GOLPH3: variants seen among roughly 807,000 people sequenced by gnomAD.
GOLPH3 encodes the protein golgi phosphoprotein 3, also known as coat protein GPP34.
A neutral mutation model predicts 28.5 loss-of-function variants in GOLPH3; 14 were observed. That is an observed-to-expected ratio of 0.49 (90% CI 0.32 to 0.77). The LOEUF is 0.77. Ranked by LOEUF, GOLPH3 falls within the 30% of genes least tolerant of loss-of-function variation. GOLPH3 has a pLI of 0.03. For missense variants in GOLPH3, 350 were observed against 393.7 expected (o/e 0.89, Z 0.94); for synonymous variants, 158 against 159.2 (o/e 0.99, Z 0.06).
intron 1 of GOLPH3, among the ~76,000 whole-genome samples, chr5:32,173,310 G>A (rs917963765): frequency 3.3e-5 from 5 of 151,356 alleles, no homozygotes; most frequent in Admixed American, 1.3e-4. Context: ...TACGTTTTTC[G>A]TAATTCCCAA....
At chr5:32,158,864 T>C (rs1393840437) in intron 1 of GOLPH3, among the ~76,000 whole-genome samples, 1 of 152,238 alleles carries the variant, frequency 6.6e-6, no homozygotes, top group Non-Finnish European at 1.5e-5. Context: ...CCAAATCCTT[T>C]TTTAAAGTGC....
At chr5:32,147,877 C>A (rs1290231346) in intron 1 of GOLPH3, among the ~76,000 whole-genome samples, 1 of 152,216 alleles carries the variant, frequency 6.6e-6, no homozygotes, top group African/African-American at 2.4e-5. Flanking sequence ...TTCAAATCAA[C>A]TCCAGCTCTA....
At chr5:32,153,840 A>C (rs750110694) in intron 1 of GOLPH3, among the ~76,000 whole-genome samples, 5 of 152,226 alleles carry the variant, frequency 3.3e-5, no homozygotes, top group African/African-American at 4.8e-5. Context: ...GTAACAACTC[A>C]GTAACACTGA....
In GOLPH3 at chr5:32,157,181, C is replaced by T. The variant is rs114512075; in HGVS notation, c.226-13301G>A. Reference sequence around the variant, plus strand: ...CCCTGGGAACTTGGACATCAGCATCCTTAAACCCACAACCTTTTGATGAGA... The same window carrying T: ...CCCTGGGAACTTGGACATCAGCATCTTTAAACCCACAACCTTTTGATGAGA... On this transcript the variant is annotated intron_variant, in intron 1 of 3. Coordinates refer to ENST00000265070, the MANE Select transcript of GOLPH3 (RefSeq NM_022130.4). 1.3e-3 allele frequency among the ~76,000 whole-genome samples: 194 copies of T among 152,316 alleles called. 1 individual carries two copies. The highest frequency in any genetic ancestry group is 4.6e-3 in the African/African-American group (192 of 41,574).
Position 32,124,942 on chromosome 5 carries a change from T to A in GOLPH3, c.*1270A>T, listed in dbSNP as rs1361356124. 6.6e-6 allele frequency: 1 copy of A among 152,618 alleles called. No individual in the cohort carries two copies. Among genetic ancestry groups the A allele is most frequent in the Non-Finnish European group, 1.5e-5 (1 of 68,042 alleles). The allele number at this position is 152,618 out of a possible 1,614,324, so 9.5% of individuals were successfully genotyped here. A position where few individuals can be genotyped will look rare whatever the true frequency, so the allele number is the denominator to read the frequency against. The stretch of plus-strand genomic sequence containing the variant: ...ATTTAATTTGTTCAACATATAGTAT[T>A]TACATTATGAAACCAATGGTGATGA... On this transcript the variant is annotated 3_prime_UTR_variant, in exon 4 of 4. Transcript: ENST00000265070.
At position 32,174,134 on chromosome 5, in the gene GOLPH3, A is replaced by ATG; in HGVS notation, c.-101_-100insCA. On this transcript the variant is annotated 5_prime_UTR_variant, in exon 1 of 4. An upstream open reading frame in the 5' UTR loses its in-frame stop. Transcript: ENST00000265070. ...GCCTCCGATCCGGGTTTCCGTGTTA[A>ATG]ATCCGGACGCCGGGGCGACGTCCGT... 2.5e-6 allele frequency: 2 copies of ATG among 808,880 alleles called. No individual in the cohort carries two copies. Among genetic ancestry groups the ATG allele is most frequent in the Non-Finnish European group, 3.3e-6 (2 of 604,144 alleles). The allele number at this position is 808,880 out of a possible 1,614,324, so 50.1% of individuals were successfully genotyped here. A position where few individuals can be genotyped will look rare whatever the true frequency, so the allele number is the denominator to read the frequency against.
chr5:32,154,020 C>G (rs959620534), intron 1 of GOLPH3, among the ~76,000 whole-genome samples: 3 of 152,204 alleles, frequency 2.0e-5, no homozygotes, highest in African/African-American at 7.2e-5. Flanking sequence ...GGTTAATAAC[C>G]TGTATCACAA....
At chr5:32,160,718 G>C (rs917952726) in intron 1 of GOLPH3, among the ~76,000 whole-genome samples, 1 of 152,202 alleles carries the variant, frequency 6.6e-6, no homozygotes, top group Non-Finnish European at 1.5e-5. Flanking sequence ...CTGCTAGGTA[G>C]AAAAAGGCAG....
At chr5:32,170,270 T>A (rs988840279) in intron 1 of GOLPH3, among the ~76,000 whole-genome samples, 5 of 152,130 alleles carry the variant, frequency 3.3e-5, no homozygotes, top group Non-Finnish European at 7.3e-5. Context: ...ATTAAGCCAG[T>A]GGTTACCCCT....
chr5:32,164,140 T>A (rs1746654168), intron 1 of GOLPH3, among the ~76,000 whole-genome samples: 1 of 152,212 alleles, frequency 6.6e-6, no homozygotes, highest in African/African-American at 2.4e-5. Context: ...CCTACTGAAC[T>A]ACAAGCCAAA....
At chr5:32,161,474 ACTG>A (rs1206169019) in intron 1 of GOLPH3, among the ~76,000 whole-genome samples, 16 of 151,094 alleles carry the variant, frequency 1.1e-4, no homozygotes, top group Admixed American at 1.1e-3. Flanking sequence ...GGTGGAGAGA[ACTG>A]CTGACCACAA....
At chr5:32,142,092 GC>G (rs1426742739) in intron 2 of GOLPH3, among the ~76,000 whole-genome samples, 2 of 151,214 alleles carry the variant, frequency 1.3e-5, no homozygotes, top group East Asian at 4.0e-4. Context: ...GAGCCCCTCT[GC>G]CTGGCTGCCC....
intron 2 of GOLPH3, among the ~76,000 whole-genome samples, chr5:32,137,284 C>T (rs1745955068): frequency 6.6e-6 from 1 of 151,802 alleles, no homozygotes; most frequent in African/African-American, 2.4e-5. Flanking sequence ...TAAAATTGTC[C>T]CGACTAGCAG....
In GOLPH3 at chr5:32,137,019, G is replaced by A. The variant is rs148935428; in HGVS notation, c.358-1333C>T. On this transcript the variant is annotated intron_variant, in intron 2 of 3. Coordinates refer to ENST00000265070, the MANE Select transcript of GOLPH3 (RefSeq NM_022130.4). ...ATCACCCAGGCTGGAGTGCAGTGGC[G>A]CAATCTCGGCTCACTGCAAACCTCT... Among the ~76,000 whole-genome samples, 1,269 of 151,922 alleles carry A rather than the reference G, an allele frequency of 8.4e-3. 21 individuals are homozygous for A. The highest frequency in any genetic ancestry group is 0.029 in the African/African-American group (1,194 of 41,424).
intron 3 of GOLPH3, among the ~76,000 whole-genome samples, chr5:32,133,738 G>A (rs1467835767): frequency 2.0e-5 from 3 of 152,220 alleles, no homozygotes; most frequent in Non-Finnish European, 2.9e-5. Flanking sequence ...TATTTGTGAT[G>A]ATTAAGTGAA....
intron 1 of GOLPH3, among the ~76,000 whole-genome samples, chr5:32,146,738 T>C (rs1313837364): frequency 6.6e-6 from 1 of 152,190 alleles, no homozygotes; most frequent in Non-Finnish European, 1.5e-5. Flanking sequence ...TAAAAACATT[T>C]ACAACATGGG....
chr5:32,158,023 T>TAAAATAC lies in GOLPH3; in HGVS notation c.226-14144_226-14143insGTATTTT, dbSNP rs377527601. On this transcript the variant is annotated intron_variant, in intron 1 of 3. Coordinates refer to ENST00000265070, the MANE Select transcript of GOLPH3 (RefSeq NM_022130.4). ...TAAATAAATAAATAAATAAATAAAA[T>TAAAATAC]ACACACACACACACACACACACACA... 3.7e-3 allele frequency among the ~76,000 whole-genome samples: 100 copies of TAAAATAC among 26,750 alleles called. 9 individuals are homozygous for TAAAATAC. Among genetic ancestry groups the TAAAATAC allele is most frequent in the African/African-American group, 0.012 (89 of 7,364 alleles). The allele number at this position is 26,750 out of a possible 152,430, so 17.5% of individuals were successfully genotyped here. A position where few individuals can be genotyped will look rare whatever the true frequency, so the allele number is the denominator to read the frequency against.
chr5:32,149,987 A>G (rs1424281070), intron 1 of GOLPH3, among the ~76,000 whole-genome samples: 1 of 145,674 alleles, frequency 6.9e-6, no homozygotes, highest in South Asian at 2.1e-4. Flanking sequence ...CTGTCTCAAG[A>G]AAAAAAAAAA....
Position 32,174,002 on chromosome 5 carries a change from C to G in GOLPH3, c.33G>C (p.Leu11=). Reference sequence around the variant, plus strand: ...GGGAGGCCTCGGTGCGCCGCTGCACCAGGCCGGAGCTGCGCTGGGTCAGCG... The same window carrying G: ...GGGAGGCCTCGGTGCGCCGCTGCACGAGGCCGGAGCTGCGCTGGGTCAGCG... MTSLTQRSSG[L]VQRRTEASRN... Residue 11 remains leucine, a synonymous_variant, in exon 1 of 4, where the codon CTG becomes CTC. Transcript: ENST00000265070. 1.5e-6 allele frequency: 2 copies of G among 1,329,396 alleles called. No individual in the cohort carries two copies. The highest frequency in any genetic ancestry group is 1.9e-6 in the Non-Finnish European group (2 of 1,050,124). 82.4% of individuals were successfully genotyped at this position (1,329,396 alleles called of 1,614,324 possible). A position where few individuals can be genotyped will look rare whatever the true frequency, so the allele number is the denominator to read the frequency against.
Sources: gnomAD v4.1 joint callset for allele counts (sites outside exome capture counted in the v4.1 genomes callset) on GRCh38, gnomAD v4.1.1 for gene constraint, MANE v1.5 for transcripts, NCBI Gene and HGNC (gene_info 2026-07-23, HGNC 2026-07-21) for gene names.